Variants in SPOCK3 observed in about 807,000 individuals in gnomAD.
SPOCK3 encodes SPARC (osteonectin), cwcv and kazal like domains proteoglycan 3.
SPOCK3 carries 30 observed loss-of-function variants against 56.6 expected under a neutral mutation model. That is an observed-to-expected ratio of 0.53 (90% CI 0.40 to 0.72). SPOCK3 has a LOEUF of 0.72. Ranked by LOEUF, SPOCK3 falls within the 30% of genes least tolerant of loss-of-function variation. SPOCK3 has a pLI of 0.00. For missense variants in SPOCK3, 527 were observed against 530.0 expected, an observed-to-expected ratio of 0.99 and a Z score of 0.06; for synonymous variants, 196 against 183.3, an observed-to-expected ratio of 1.07 and a Z score of -0.56.
chr4:167,114,013 C>G (rs1761127115), intron 2 of SPOCK3, among the ~76,000 whole-genome samples: 1 of 152,008 alleles, frequency 6.6e-6, no homozygotes, highest in African/African-American at 2.4e-5. Context: ...TGAAAATCAC[C>G]AGCGCAAAGT....
chr4:166,740,692 A>G (rs1734751863), intron 9 of SPOCK3, among the ~76,000 whole-genome samples: 2 of 151,880 alleles, frequency 1.3e-5, no homozygotes, highest in South Asian at 4.2e-4. Context: ...CGCCAGGCTA[A>G]TTTTTGTATT....
chr4:166,792,552 T>G (rs1219772142), intron 6 of SPOCK3, among the ~76,000 whole-genome samples: 1 of 152,156 alleles, frequency 6.6e-6, no homozygotes, highest in East Asian at 1.9e-4. Flanking sequence ...TTTGTATTGA[T>G]AACATCACAA....
intron 6 of SPOCK3, among the ~76,000 whole-genome samples, chr4:166,807,027 G>A (rs1052733986): frequency 1.8e-4 from 27 of 151,798 alleles, no homozygotes; most frequent in East Asian, 1.9e-4. Context: ...TTTATCTCTC[G>A]AAATATTGTA....
chr4:167,164,145 T>C (rs2150448007), intron 2 of SPOCK3, among the ~76,000 whole-genome samples: 1 of 152,212 alleles, frequency 6.6e-6, no homozygotes, highest in African/African-American at 2.4e-5. Flanking sequence ...AAGCTTCAGT[T>C]GGGAATAGGA....
At chr4:167,110,457 C>A (rs1461858751) in intron 2 of SPOCK3, among the ~76,000 whole-genome samples, 1 of 152,046 alleles carries the variant, frequency 6.6e-6, no homozygotes, top group Non-Finnish European at 1.5e-5. Context: ...ATTCTCACCT[C>A]TTATCTATAT....
chr4:167,191,231 T>C (rs1012739729), intron 2 of SPOCK3, among the ~76,000 whole-genome samples: 1 of 145,784 alleles, frequency 6.9e-6, no homozygotes, highest in African/African-American at 2.6e-5. Flanking sequence ...TGTATGGATA[T>C]TTTAAATTTT....
chr4:167,096,679 T>C (rs1367917204), intron 2 of SPOCK3, among the ~76,000 whole-genome samples: 1 of 151,890 alleles, frequency 6.6e-6, no homozygotes, highest in Non-Finnish European at 1.5e-5. Context: ...GTCCAGAGTA[T>C]AGTCTGTTGT....
At chr4:167,122,835 C>G (rs1362571969) in intron 2 of SPOCK3, among the ~76,000 whole-genome samples, 1 of 151,848 alleles carries the variant, frequency 6.6e-6, no homozygotes. Flanking sequence ...GAACAATAAT[C>G]AACTCAATAA....
chr4:166,973,068 TG>T (rs1745562136), intron 4 of SPOCK3, among the ~76,000 whole-genome samples: 1 of 152,128 alleles, frequency 6.6e-6, no homozygotes, highest in African/African-American at 2.4e-5. Context: ...GGAAGGGACT[TG>T]GTGGGAGGTG....
chr4:166,967,786 G>A (rs1341202222), intron 4 of SPOCK3, among the ~76,000 whole-genome samples: 1 of 152,166 alleles, frequency 6.6e-6, no homozygotes, highest in Non-Finnish European at 1.5e-5. Flanking sequence ...GGCAACTTTG[G>A]AACTGGGTAA....
chr4:167,152,915 AT>A (rs1764535804), intron 2 of SPOCK3, among the ~76,000 whole-genome samples: 1 of 152,122 alleles, frequency 6.6e-6, no homozygotes, highest in African/African-American at 2.4e-5. Flanking sequence ...CTATCTATTT[AT>A]TTGTTTAGCA....
chr4:166,953,311 G>A (rs571203581), intron 4 of SPOCK3, among the ~76,000 whole-genome samples: 4 of 152,342 alleles, frequency 2.6e-5, no homozygotes, highest in South Asian at 4.1e-4. Flanking sequence ...AGACATTTAT[G>A]CAGCCAGAAA....
chr4:166,859,157 C>A (rs1730984653), intron 6 of SPOCK3, among the ~76,000 whole-genome samples: 1 of 152,134 alleles, frequency 6.6e-6, no homozygotes, highest in Non-Finnish European at 1.5e-5. Flanking sequence ...ATAGGCTATA[C>A]CATATAGCCT....
At chr4:166,913,763 C>T (rs1737535984) in intron 4 of SPOCK3, among the ~76,000 whole-genome samples, 1 of 151,934 alleles carries the variant, frequency 6.6e-6, no homozygotes, top group Non-Finnish European at 1.5e-5. Context: ...GGGCATTACA[C>T]ATAGATTATT....
chr4:167,074,642 G>A (rs1757008027), intron 2 of SPOCK3, among the ~76,000 whole-genome samples: 1 of 151,862 alleles, frequency 6.6e-6, no homozygotes, highest in African/African-American at 2.4e-5. Flanking sequence ...CATTGTTTTT[G>A]GAGAAGTGAG....
chr4:166,933,923 T>C (rs1010687889), intron 4 of SPOCK3, among the ~76,000 whole-genome samples: 2 of 152,256 alleles, frequency 1.3e-5, no homozygotes, highest in Middle Eastern at 3.4e-3. Context: ...AGTGAATAAA[T>C]ATGCTGATGT....
At chr4:167,182,491 A>T (rs1272287632) in intron 2 of SPOCK3, among the ~76,000 whole-genome samples, 2 of 152,186 alleles carry the variant, frequency 1.3e-5, no homozygotes, top group East Asian at 3.9e-4. Context: ...GGAAAAAAAA[A>T]ATATGCAATC....
intron 6 of SPOCK3, among the ~76,000 whole-genome samples, chr4:166,814,457 C>T (rs1488439570): frequency 6.6e-6 from 1 of 152,018 alleles, no homozygotes; most frequent in African/African-American, 2.4e-5. Context: ...GGGAATCATC[C>T]TATAGGCTGC....
intron 6 of SPOCK3, among the ~76,000 whole-genome samples, chr4:166,793,896 C>A (rs539738629): frequency 6.6e-6 from 1 of 152,060 alleles, no homozygotes; most frequent in South Asian, 2.1e-4. Context: ...AATCTTTCCC[C>A]AGGATGCTAG....
Sources: gnomAD v4.1 joint callset for allele counts (sites outside exome capture counted in the v4.1 genomes callset) on GRCh38, gnomAD v4.1.1 for gene constraint, MANE v1.5 for transcripts, NCBI Gene and HGNC (gene_info 2026-07-23, HGNC 2026-07-21) for gene names.